Variants in ST6GALNAC3 observed in about 807,000 individuals in gnomAD.
ST6GALNAC3 encodes alpha-N-acetylgalactosaminide alpha-2,6-sialyltransferase 3.
A neutral mutation model predicts 32.7 loss-of-function variants in ST6GALNAC3; 25 were observed. The observed-to-expected ratio is 0.76, with a 90% CI of 0.56 to 1.07. The LOEUF is 1.07. Among genes scored for constraint, ST6GALNAC3 ranks in the 50% least tolerant of loss-of-function variants. The pLI, the probability that ST6GALNAC3 is intolerant of heterozygous loss-of-function variation, is 0.00. For missense variants in ST6GALNAC3, 355 were observed against 382.4 expected, an observed-to-expected ratio of 0.93 and a Z score of 0.60; for synonymous variants, 129 against 133.1, an observed-to-expected ratio of 0.97 and a Z score of 0.21.
chr1:76,461,411 A>G (rs1023106659), intron 3 of ST6GALNAC3, among the ~76,000 whole-genome samples: 3 of 152,218 alleles, frequency 2.0e-5, no homozygotes, highest in African/African-American at 7.2e-5. Flanking sequence ...CTTAAGCCTC[A>G]AAAGCATAAA....
intron 2 of ST6GALNAC3, among the ~76,000 whole-genome samples, chr1:76,340,852 C>G (rs541157519): frequency 1.3e-5 from 2 of 151,962 alleles, no homozygotes; most frequent in Admixed American, 6.6e-5. Flanking sequence ...GTTTAAGGAG[C>G]TTTCTCAGCC....
chr1:76,234,371 T>C (rs1656532361), intron 1 of ST6GALNAC3, among the ~76,000 whole-genome samples: 1 of 152,224 alleles, frequency 6.6e-6, no homozygotes, highest in African/African-American at 2.4e-5. Flanking sequence ...GTTGGAGGAA[T>C]GAGTGTTTGC....
chr1:76,448,960 C>T (rs1469564505), intron 3 of ST6GALNAC3, among the ~76,000 whole-genome samples: 2 of 152,050 alleles, frequency 1.3e-5, no homozygotes, highest in African/African-American at 2.4e-5. Context: ...CTCAGCTTCC[C>T]GTGTAGCTTG....
intron 3 of ST6GALNAC3, among the ~76,000 whole-genome samples, chr1:76,584,603 C>T (rs4336900): frequency 0.2 from 30,818 of 152,064 alleles, 3,234 homozygotes; most frequent in Middle Eastern, 0.28. Flanking sequence ...TAAATGCTAG[C>T]AGCAGCTTCA....
At chr1:76,298,452 C>T (rs1660538700) in intron 1 of ST6GALNAC3, among the ~76,000 whole-genome samples, 1 of 151,988 alleles carries the variant, frequency 6.6e-6, no homozygotes, top group Non-Finnish European at 1.5e-5. Context: ...AAAGCACCCT[C>T]GGGCAAATTT....
At chr1:76,560,129 C>T (rs1170508879) in intron 3 of ST6GALNAC3, among the ~76,000 whole-genome samples, 2 of 152,078 alleles carry the variant, frequency 1.3e-5, no homozygotes, top group East Asian at 3.9e-4. Context: ...ACTAGATATC[C>T]ATATGCAGAA....
At chr1:76,573,809 C>T (rs527988396) in intron 3 of ST6GALNAC3, among the ~76,000 whole-genome samples, 4 of 151,954 alleles carry the variant, frequency 2.6e-5, no homozygotes, top group Non-Finnish European at 4.4e-5. Flanking sequence ...TATCCTCTGG[C>T]CTTGTACTTC....
intron 2 of ST6GALNAC3, among the ~76,000 whole-genome samples, chr1:76,376,363 CAT>C (rs1651229574): frequency 6.6e-6 from 1 of 152,132 alleles, no homozygotes; most frequent in South Asian, 2.1e-4. Context: ...AATTTTATCA[CAT>C]GTGTAAGTTA....
At chr1:76,447,482 A>C (rs1657061884) in intron 3 of ST6GALNAC3, among the ~76,000 whole-genome samples, 1 of 152,274 alleles carries the variant, frequency 6.6e-6, no homozygotes, top group Admixed American at 6.5e-5. Flanking sequence ...AATTTGCATA[A>C]GTAACAAGGA....
intron 1 of ST6GALNAC3, among the ~76,000 whole-genome samples, chr1:76,192,958 A>G (rs1653988945): frequency 6.6e-6 from 1 of 152,108 alleles, no homozygotes; most frequent in Admixed American, 6.6e-5. Context: ...TCATTTTTCA[A>G]TTTCCCCAGA....
At chr1:76,348,987 G>A (rs1239988798) in intron 2 of ST6GALNAC3, among the ~76,000 whole-genome samples, 1 of 152,106 alleles carries the variant, frequency 6.6e-6, no homozygotes, top group Non-Finnish European at 1.5e-5. Context: ...AGTAATAAAT[G>A]TACATAGTAA....
intron 1 of ST6GALNAC3, among the ~76,000 whole-genome samples, chr1:76,256,245 T>G (rs923580616): frequency 5.9e-5 from 9 of 152,150 alleles, no homozygotes; most frequent in African/African-American, 2.2e-4. Context: ...TGGTCTTCCT[T>G]CTCTCTCTCC....
intron 3 of ST6GALNAC3, among the ~76,000 whole-genome samples, chr1:76,484,061 C>G (rs1258355151): frequency 1.3e-5 from 2 of 151,908 alleles, no homozygotes; most frequent in Non-Finnish European, 2.9e-5. Flanking sequence ...TGAGGGCTCT[C>G]TTCTGTTCCA....
intron 3 of ST6GALNAC3, among the ~76,000 whole-genome samples, chr1:76,448,357 A>G (rs1190638636): frequency 6.6e-6 from 1 of 152,196 alleles, no homozygotes; most frequent in Non-Finnish European, 1.5e-5. Flanking sequence ...GCTCATAGGC[A>G]GAAGGGACTT....
At chr1:76,553,655 C>T (rs1045612264) in intron 3 of ST6GALNAC3, among the ~76,000 whole-genome samples, 1 of 148,686 alleles carries the variant, frequency 6.7e-6, no homozygotes, top group African/African-American at 2.5e-5. Context: ...TATTCCCTTA[C>T]AGCCACTTTG....
intron 3 of ST6GALNAC3, among the ~76,000 whole-genome samples, chr1:76,483,551 T>C (rs986187146): frequency 1.3e-5 from 2 of 152,184 alleles, no homozygotes; most frequent in South Asian, 2.1e-4. Flanking sequence ...TCATATCCTT[T>C]GCCCACTTTT....
At chr1:76,322,140 AC>A in intron 2 of ST6GALNAC3, among the ~76,000 whole-genome samples, 1 of 152,276 alleles carries the variant, frequency 6.6e-6, no homozygotes, top group Non-Finnish European at 1.5e-5. Flanking sequence ...GCAAAGGAAA[AC>A]AAAACAGTGT....
chr1:76,534,202 C>G (rs1663446590), intron 3 of ST6GALNAC3, among the ~76,000 whole-genome samples: 1 of 152,054 alleles, frequency 6.6e-6, no homozygotes, highest in Admixed American at 6.6e-5. Flanking sequence ...ACCACCACTG[C>G]CGGCTAATTT....
At chr1:76,450,735 A>C (rs965581727) in intron 3 of ST6GALNAC3, among the ~76,000 whole-genome samples, 4 of 152,150 alleles carry the variant, frequency 2.6e-5, no homozygotes, top group African/African-American at 9.7e-5. Flanking sequence ...TTTGTAAAGT[A>C]AGAGATGAGG....
Sources: allele counts gnomAD v4.1 joint callset (sites outside exome capture counted in the v4.1 genomes callset), GRCh38; gene constraint gnomAD v4.1.1; transcripts MANE v1.5; gene names NCBI Gene and HGNC (gene_info 2026-07-23, HGNC 2026-07-21).